Variants in ANKRD30A observed in about 807,000 individuals in gnomAD.
ANKRD30A encodes ankyrin repeat domain 30A.
A neutral mutation model predicts 166.3 loss-of-function variants in ANKRD30A; 170 were observed. The observed-to-expected ratio is 1.02, with a 90% CI of 0.90 to 1.16. The LOEUF is 1.16. ANKRD30A is among the 50% of genes most tolerant of loss of function. The probability of loss-of-function intolerance (pLI) is 0.00; values close to 1 mark genes in which losing one functional copy is unlikely to be tolerated. For missense variants in ANKRD30A, 1,630 were observed against 1,518.0 expected, an observed-to-expected ratio of 1.07 and a Z score of -1.23; for synonymous variants, 564 against 508.9, an observed-to-expected ratio of 1.11 and a Z score of -1.46.
chr10:37,152,768 C>CA (rs1838051564), intron 12 of ANKRD30A, among the ~76,000 whole-genome samples: 1 of 152,040 alleles, frequency 6.6e-6, no homozygotes, highest in African/African-American at 2.4e-5. Flanking sequence ...GCATGAGCGT[C>CA]AAATAATAGT....
intron 31 of ANKRD30A, among the ~76,000 whole-genome samples, chr10:37,202,661 G>T (rs1454829616): frequency 2.0e-5 from 3 of 152,074 alleles, no homozygotes; most frequent in African/African-American, 7.2e-5. Flanking sequence ...AGGAGATAGA[G>T]ACACAAAAAA....
chr10:37,239,614 A>T, the ANKRD30A span, among the ~76,000 whole-genome samples: 1 of 152,144 alleles, frequency 6.6e-6, no homozygotes, highest in Non-Finnish European at 1.5e-5. Context: ...TTTGCTAAGA[A>T]TTAGAAAGAA....
chr10:37,192,310 C>G (rs1840655945), intron 25 of ANKRD30A, among the ~76,000 whole-genome samples: 1 of 151,918 alleles, frequency 6.6e-6, no homozygotes, highest in East Asian at 1.9e-4. Context: ...TTCCAAATTG[C>G]TGGAATTACA....
chr10:37,127,882 A>G (rs1836148372), intron 1 of ANKRD30A, among the ~76,000 whole-genome samples: 2 of 152,144 alleles, frequency 1.3e-5, no homozygotes, highest in African/African-American at 2.4e-5. Flanking sequence ...GTATATGCCC[A>G]TTAGTGATCA....
chr10:37,231,360 A>T, intron 34 of ANKRD30A, 101 bp from the exon 35 acceptor site: 2 of 927,160 alleles, frequency 2.2e-6, no homozygotes, highest in African/African-American at 1.7e-5. Context: ...GGGAAATGTT[A>T]TTTATTCTTA....
intron 9 of ANKRD30A, among the ~76,000 whole-genome samples, chr10:37,149,143 T>G (rs1316457934): frequency 6.6e-6 from 1 of 152,000 alleles, no homozygotes; most frequent in Non-Finnish European, 1.5e-5. Flanking sequence ...ACCATATGGT[T>G]ATGGAAAACA....
intron 3 of ANKRD30A, among the ~76,000 whole-genome samples, chr10:37,131,841 G>A (rs1224675944): frequency 1.3e-5 from 2 of 152,116 alleles, no homozygotes; most frequent in African/African-American, 4.8e-5. Context: ...CTTCTGGTAA[G>A]GTAATTATTC....
chr10:37,160,048 G>T (rs991015223), intron 15 of ANKRD30A, among the ~76,000 whole-genome samples: 39 of 152,250 alleles, frequency 2.6e-4, no homozygotes, highest in African/African-American at 9.1e-4. Context: ...TATTGTCCTG[G>T]AACTTCCTTG....
At chr10:37,203,594 C>A (rs1195962495) in intron 31 of ANKRD30A, among the ~76,000 whole-genome samples, 1 of 152,176 alleles carries the variant, frequency 6.6e-6, no homozygotes, top group Non-Finnish European at 1.5e-5. Context: ...GATGCCCTCT[C>A]TCACCACTGC....
At chr10:37,147,512 A>G (rs981889212) in intron 9 of ANKRD30A, 55 bp downstream of exon 9, 297 of 1,185,336 alleles carry the variant, frequency 2.5e-4, no homozygotes, top group Middle Eastern at 1.6e-3. Flanking sequence ...GTCTAAATGC[A>G]TGATGACTGA....
At chr10:37,146,600 T>C (rs912117256) in intron 8 of ANKRD30A, among the ~76,000 whole-genome samples, 4 of 152,180 alleles carry the variant, frequency 2.6e-5, no homozygotes, top group Non-Finnish European at 4.4e-5. Flanking sequence ...ACAGACTCCC[T>C]GTTGAGTTCT....
intron 11 of ANKRD30A, 32 bp from the exon 12 acceptor site, chr10:37,152,028 T>A (rs928433310): frequency 1.9e-6 from 3 of 1,554,614 alleles, no homozygotes; most frequent in African/African-American, 2.7e-5. Context: ...AGAAATGTTG[T>A]CATGAATGTT....
intron 34 of ANKRD30A, 30 bp from the exon 35 acceptor site, chr10:37,231,431 C>G: frequency 6.4e-7 from 1 of 1,572,664 alleles, no homozygotes; most frequent in Non-Finnish European, 8.6e-7. Context: ...AAATAAAATA[C>G]TAAGCATTTT....
intron 7 of ANKRD30A, among the ~76,000 whole-genome samples, chr10:37,144,099 C>T (rs933166135): frequency 1.3e-5 from 2 of 151,742 alleles, no homozygotes; most frequent in African/African-American, 4.8e-5. Flanking sequence ...TAAAAATAAC[C>T]GTAGTAATTG....
rs140588316 is a variant in ANKRD30A, at chr10:37,229,858, A to G, written c.4186-1603A>G. 3.0e-4 allele frequency among the ~76,000 whole-genome samples: 45 copies of G among 152,038 alleles called. 1 individual carries two copies. The highest frequency in any genetic ancestry group is 5.2e-4 in the Non-Finnish European group (35 of 67,930). ...TATGTATGTATGGGTTACATGAGATATTTTAATACAGGCATCAGATGCATA... is the reference window on the plus strand; with the variant it reads ...TATGTATGTATGGGTTACATGAGATGTTTTAATACAGGCATCAGATGCATA... On this transcript the variant is annotated intron_variant, in intron 34 of 35. Coordinates refer to ENST00000361713, the MANE Select transcript of ANKRD30A (RefSeq NM_052997.3).
the ANKRD30A span, chr10:37,264,647 C>G: frequency 3.7e-6 from 1 of 269,226 alleles, no homozygotes; most frequent in Non-Finnish European, 7.4e-6. Context: ...GGTAAGTATG[C>G]CAGATTGGAA....
At chr10:37,191,094 A>G (rs190401599) in intron 25 of ANKRD30A, among the ~76,000 whole-genome samples, 3 of 152,034 alleles carry the variant, frequency 2.0e-5, no homozygotes, top group Admixed American at 2.0e-4. Context: ...TGTTATTAAT[A>G]TTTAAAAGTC....
intron 32 of ANKRD30A, among the ~76,000 whole-genome samples, chr10:37,217,168 A>T (rs984934022): frequency 6.6e-6 from 1 of 151,046 alleles, no homozygotes; most frequent in Admixed American, 6.6e-5. Flanking sequence ...AACAAAAGGC[A>T]TATGGGATAA....
the ANKRD30A span, among the ~76,000 whole-genome samples, chr10:37,248,944 T>C: frequency 3.4e-4 from 52 of 152,246 alleles, no homozygotes; most frequent in African/African-American, 1.1e-3. Flanking sequence ...CACAGCTGCA[T>C]GGCCATGCTG....
Sources: allele counts gnomAD v4.1 joint callset (sites outside exome capture counted in the v4.1 genomes callset), GRCh38; gene constraint gnomAD v4.1.1; transcripts MANE v1.5; gene names NCBI Gene and HGNC (gene_info 2026-07-23, HGNC 2026-07-21).